NFIB: variants seen among roughly 807,000 people sequenced by gnomAD.
The protein encoded by NFIB is nuclear factor 1 B-type.
Under a neutral mutation model 61.5 loss-of-function variants are expected in NFIB, and 11 were observed. The ratio of observed to expected loss-of-function variants is 0.18; its 90% confidence interval spans 0.11 to 0.30. NFIB has a LOEUF of 0.30. NFIB is among the 10% of genes least tolerant of loss of function. NFIB has a pLI of 1.00. For synonymous variants in NFIB, 260 were observed against 216.5 expected, an observed-to-expected ratio of 1.20 and a Z score of -1.76; for missense variants, 471 against 608.9, an observed-to-expected ratio of 0.77 and a Z score of 2.38.
At chr9:14,138,892 A>ATGTGTG (rs36000888) in intron 6 of NFIB, among the ~76,000 whole-genome samples, 1 of 149,030 alleles carries the variant, frequency 6.7e-6, no homozygotes, top group Non-Finnish European at 1.5e-5. Context: ...TAGTTGATTT[A>ATGTGTG]TGTGTGTGTG....
the NFIB span, among the ~76,000 whole-genome samples, chr9:14,414,222 G>A: frequency 6.6e-6 from 1 of 152,032 alleles, no homozygotes; most frequent in African/African-American, 2.4e-5. Flanking sequence ...CAGATTACAA[G>A]GTCAAGAGAT....
chr9:14,517,757 G>T, the NFIB span, among the ~76,000 whole-genome samples: 1 of 152,068 alleles, frequency 6.6e-6, no homozygotes, highest in Non-Finnish European at 1.5e-5. Context: ...CCTAATTTAA[G>T]TGCCCTCACT....
intron 2 of NFIB, among the ~76,000 whole-genome samples, chr9:14,236,217 T>C (rs2131989481): frequency 6.6e-6 from 1 of 152,298 alleles, no homozygotes; most frequent in Middle Eastern, 3.4e-3. Context: ...TAAGGTTCTC[T>C]ATAATGTTGA....
At chr9:14,429,226 G>A in the NFIB span, among the ~76,000 whole-genome samples, 1 of 152,092 alleles carries the variant, frequency 6.6e-6, no homozygotes, top group Admixed American at 6.6e-5. Flanking sequence ...TTATGGCTCT[G>A]GAAAGGAAAG....
intron 2 of NFIB, among the ~76,000 whole-genome samples, chr9:14,216,530 CTCTCTCTCTCTCCCTCTGTG>C (rs1296176408): frequency 2.0e-4 from 11 of 54,550 alleles, no homozygotes; most frequent in African/African-American, 5.0e-4. Flanking sequence ...CTCTCTCTCT[CTCTCTCTCTCTCCCTCTGTG>C]TGTGTGTGTG....
chr9:14,187,391 T>C (rs2047496618), intron 2 of NFIB, among the ~76,000 whole-genome samples: 1 of 152,208 alleles, frequency 6.6e-6, no homozygotes, highest in Non-Finnish European at 1.5e-5. Context: ...AACTATTTAC[T>C]ATTTCAAGTA....
At chr9:14,232,060 A>G (rs1478316160) in intron 2 of NFIB, among the ~76,000 whole-genome samples, 8 of 152,332 alleles carry the variant, frequency 5.3e-5, no homozygotes, top group East Asian at 3.9e-4. Context: ...TCAGTATGGA[A>G]CAGTATGATT....
chr9:14,368,531 T>C (rs923378822), intron 1 of NFIB, among the ~76,000 whole-genome samples: 2 of 152,210 alleles, frequency 1.3e-5, no homozygotes, highest in Non-Finnish European at 2.9e-5. Context: ...ACACAACTCC[T>C]TGGAGTGGTA....
chr9:14,423,280 A>T, the NFIB span, among the ~76,000 whole-genome samples: 1 of 152,178 alleles, frequency 6.6e-6, no homozygotes, highest in Non-Finnish European at 1.5e-5. Flanking sequence ...CGGAGTGACC[A>T]GTAATATCTG....
At chr9:14,496,274 T>C in the NFIB span, among the ~76,000 whole-genome samples, 5 of 152,342 alleles carry the variant, frequency 3.3e-5, no homozygotes, top group South Asian at 8.3e-4. Flanking sequence ...ATTTACGGTT[T>C]ATATATGCCT....
chr9:14,108,258 T>C (rs2036854603), intron 10 of NFIB, among the ~76,000 whole-genome samples: 1 of 152,132 alleles, frequency 6.6e-6, no homozygotes, highest in African/African-American at 2.4e-5. Context: ...TTCCTGACTG[T>C]ATTGAAAAGT....
At chr9:14,258,193 T>C (rs1464677224) in intron 2 of NFIB, among the ~76,000 whole-genome samples, 1 of 152,248 alleles carries the variant, frequency 6.6e-6, no homozygotes, top group South Asian at 2.1e-4. Flanking sequence ...CACAGTTTTA[T>C]AACTGCTCTG....
At chr9:14,352,519 A>G (rs1037940671) in intron 1 of NFIB, among the ~76,000 whole-genome samples, 2 of 152,210 alleles carry the variant, frequency 1.3e-5, no homozygotes, top group Non-Finnish European at 2.9e-5. Flanking sequence ...CTGGCTCCTG[A>G]GACCACAGGC....
intron 2 of NFIB, among the ~76,000 whole-genome samples, chr9:14,230,713 T>G (rs1379563227): frequency 6.6e-6 from 1 of 152,130 alleles, no homozygotes; most frequent in East Asian, 1.9e-4. Context: ...TAGCACTTTT[T>G]GACAAATTTA....
chr9:14,453,012 A>G, the NFIB span, among the ~76,000 whole-genome samples: 119,816 of 152,188 alleles, frequency 0.79, 47,251 homozygotes, highest in East Asian at 0.88. Context: ...TTGCTTTGTA[A>G]CGTGGTGCCT....
chr9:14,241,636 C>G (rs1303818171), intron 2 of NFIB, among the ~76,000 whole-genome samples: 1 of 152,068 alleles, frequency 6.6e-6, no homozygotes, highest in Non-Finnish European at 1.5e-5. Flanking sequence ...ACTTTACACT[C>G]TGAAATGTAG....
chr9:14,313,246 G>A lies in NFIB; in HGVS notation c.30+236C>T, dbSNP rs899255063. Among the ~76,000 whole-genome samples, 4 of 151,278 alleles carry A rather than the reference G, an allele frequency of 2.6e-5. No homozygotes were observed. The highest frequency in any genetic ancestry group is 5.9e-5 in the Non-Finnish European group (4 of 67,808). On this transcript the variant is annotated intron_variant, in intron 1 of 10. Coordinates refer to ENST00000380953, the MANE Select transcript of NFIB (RefSeq NM_001190737.2). This position sits in a 1 kb window ranked among gnomAD's most constrained non-coding sequence, Gnocchi z 4.5. Reference sequence around the variant, plus strand: ...TGCCCACCCCCCGGCGGCCTTGCCCGGCCCAGCGCCCGCGCTCCGTGCCCA... The same window carrying A: ...TGCCCACCCCCCGGCGGCCTTGCCCAGCCCAGCGCCCGCGCTCCGTGCCCA...
chr9:14,112,073 A>G (rs2037458858), intron 10 of NFIB, among the ~76,000 whole-genome samples: 1 of 152,220 alleles, frequency 6.6e-6, no homozygotes, highest in African/African-American at 2.4e-5. Context: ...CAGGCAACTT[A>G]TAAATAAAGA....
In NFIB at chr9:14,314,079, C is replaced by G; in HGVS notation, c.-568G>C. On this transcript the variant is annotated 5_prime_UTR_variant, in exon 1 of 11. Transcript: ENST00000380953. Reference sequence around the variant, plus strand: ...TGCGGCAGGATCCCGGAGTGGTGATCGCAGGCGAAACTTTGCCGCGAGCCG... The same window carrying G: ...TGCGGCAGGATCCCGGAGTGGTGATGGCAGGCGAAACTTTGCCGCGAGCCG... The G allele has an allele frequency of 1.9e-6, 2 of 1,052,940 alleles. No individual in the cohort carries two copies. Among genetic ancestry groups the G allele is most frequent in the South Asian group, 4.6e-5 (1 of 21,790 alleles). The allele number at this position is 1,052,940 out of a possible 1,614,324, so 65.2% of individuals were successfully genotyped here.
Sources: gnomAD v4.1 joint callset for allele counts (sites outside exome capture counted in the v4.1 genomes callset) on GRCh38, gnomAD v4.1.1 for gene constraint, Gnocchi (gnomAD v3.1) non-coding constraint, MANE v1.5 for transcripts, NCBI Gene and HGNC (gene_info 2026-07-23, HGNC 2026-07-21) for gene names.